The following RAB3C variants were observed in gnomAD, a reference collection of about 807,000 sequenced individuals.
The protein encoded by RAB3C is RAB3C, member RAS oncogene family.
In RAB3C, 17 loss-of-function variants were observed where a neutral mutation model predicts 26.4. That is an observed-to-expected ratio of 0.64 (90% CI 0.44 to 0.97). The LOEUF is 0.97. Ranked by LOEUF, RAB3C falls within the 50% of genes least tolerant of loss-of-function variation. The pLI is 0.00. For synonymous variants in RAB3C, 91 were observed against 95.9 expected (o/e 0.95, Z 0.30); for missense variants, 242 against 281.9 (o/e 0.86, Z 1.01).
chr5:58,679,807 T>C (rs1015996100), intron 2 of RAB3C, among the ~76,000 whole-genome samples: 1 of 152,242 alleles, frequency 6.6e-6, no homozygotes, highest in Non-Finnish European at 1.5e-5. Context: ...TGCAGGCTTT[T>C]CTTTGCACGG....
At chr5:58,715,680 G>A (rs187053976) in intron 2 of RAB3C, among the ~76,000 whole-genome samples, 11 of 152,134 alleles carry the variant, frequency 7.2e-5, no homozygotes, top group Middle Eastern at 3.4e-3. Context: ...CCTAGTAAGC[G>A]GACTATTATA....
chr5:58,730,082 A>T (rs571707332), intron 3 of RAB3C, among the ~76,000 whole-genome samples: 163 of 151,484 alleles, frequency 1.1e-3, no homozygotes, highest in African/African-American at 3.9e-3. Context: ...TCAACAATAG[A>T]TTTAAGATTG....
chr5:58,836,713 C>T (rs1356840862), intron 4 of RAB3C, among the ~76,000 whole-genome samples: 3 of 152,086 alleles, frequency 2.0e-5, no homozygotes, highest in African/African-American at 7.2e-5. Context: ...GAATGACAGG[C>T]TTTCATTTTT....
At chr5:58,597,683 G>A (rs928980418) in intron 1 of RAB3C, among the ~76,000 whole-genome samples, 3 of 126,988 alleles carry the variant, frequency 2.4e-5, no homozygotes, top group African/African-American at 8.2e-5. Context: ...ATATAATATA[G>A]TACATTATAT....
At chr5:58,599,655 T>C in intron 1 of RAB3C, among the ~76,000 whole-genome samples, 1 of 152,096 alleles carries the variant, frequency 6.6e-6, no homozygotes, top group East Asian at 1.9e-4. Flanking sequence ...GTAGGAACAG[T>C]TTTCACATGG....
chr5:58,619,849 T>C (rs946204329), intron 2 of RAB3C, among the ~76,000 whole-genome samples: 4 of 149,328 alleles, frequency 2.7e-5, no homozygotes, highest in Non-Finnish European at 5.9e-5. Flanking sequence ...ACCAGGCCAG[T>C]GCTAATTCAC....
chr5:58,624,647 T>C (rs1039733644), intron 2 of RAB3C, among the ~76,000 whole-genome samples: 3 of 152,120 alleles, frequency 2.0e-5, no homozygotes, highest in African/African-American at 7.2e-5. Flanking sequence ...TGTGATTCTA[T>C]AGGGACTGAC....
At chr5:58,692,382 A>G (rs1186331001) in intron 2 of RAB3C, among the ~76,000 whole-genome samples, 1 of 152,078 alleles carries the variant, frequency 6.6e-6, no homozygotes, top group Non-Finnish European at 1.5e-5. Context: ...GACTGACCTC[A>G]TATTTATAAT....
intron 3 of RAB3C, among the ~76,000 whole-genome samples, chr5:58,821,604 A>G (rs1743344452): frequency 6.6e-6 from 1 of 152,180 alleles, no homozygotes; most frequent in South Asian, 2.1e-4. Context: ...TTGCTAAGGG[A>G]ATATATTATT....
At chr5:58,719,511 C>G (rs1740696089) in intron 2 of RAB3C, among the ~76,000 whole-genome samples, 2 of 151,912 alleles carry the variant, frequency 1.3e-5, no homozygotes, top group Admixed American at 1.3e-4. Flanking sequence ...AAAGTGGGGT[C>G]AGTGACTGTG....
intron 3 of RAB3C, among the ~76,000 whole-genome samples, chr5:58,795,552 A>C (rs148426353): frequency 2.2e-4 from 33 of 152,334 alleles, no homozygotes; most frequent in African/African-American, 7.5e-4. Flanking sequence ...GTGGTTACTG[A>C]AACTGCATGT....
At chr5:58,682,544 C>T (rs1305101126) in intron 2 of RAB3C, among the ~76,000 whole-genome samples, 2 of 151,816 alleles carry the variant, frequency 1.3e-5, no homozygotes, top group Non-Finnish European at 2.9e-5. Context: ...ATTAGCCGGG[C>T]GTGGTGGCGG....
intron 3 of RAB3C, chr5:58,823,629 A>C (rs78369992): frequency 0.063 from 13,214 of 208,188 alleles, 577 homozygotes; most frequent in South Asian, 0.12. Context: ...GAAACATCCC[A>C]AAATGTCCCA....
intron 2 of RAB3C, among the ~76,000 whole-genome samples, chr5:58,618,753 C>T (rs1254605729): frequency 6.6e-6 from 1 of 152,154 alleles, no homozygotes; most frequent in South Asian, 2.1e-4. Flanking sequence ...AATGTTTCTA[C>T]AGTAAGTTTT....
intron 1 of RAB3C, among the ~76,000 whole-genome samples, chr5:58,592,979 T>G (rs1746171223): frequency 6.6e-6 from 1 of 152,156 alleles, no homozygotes; most frequent in Admixed American, 6.5e-5. Flanking sequence ...ATTTAGCCAT[T>G]ACATCTTTAA....
At chr5:58,627,443 G>A (rs1290019396) in intron 2 of RAB3C, among the ~76,000 whole-genome samples, 1 of 74,526 alleles carries the variant, frequency 1.3e-5, no homozygotes, top group Non-Finnish European at 2.5e-5. Flanking sequence ...CCGCAGTCCG[G>A]CCTGGGCGAC....
At chr5:58,593,770 T>C (rs1297691560) in intron 1 of RAB3C, among the ~76,000 whole-genome samples, 1 of 152,196 alleles carries the variant, frequency 6.6e-6, no homozygotes. Context: ...TGAAGTATTT[T>C]TGCATTCACT....
intron 2 of RAB3C, among the ~76,000 whole-genome samples, chr5:58,691,295 A>T (rs541490707): frequency 6.6e-6 from 1 of 152,170 alleles, no homozygotes; most frequent in Non-Finnish European, 1.5e-5. Context: ...GCATTTGTTC[A>T]TAAGTGGGCT....
intron 3 of RAB3C, among the ~76,000 whole-genome samples, chr5:58,767,806 A>T (rs889315083): frequency 1.3e-5 from 2 of 152,216 alleles, no homozygotes; most frequent in African/African-American, 4.8e-5. Context: ...AATAGAGAAC[A>T]CGAGAGACAT....
Sources: gnomAD v4.1 joint callset for allele counts (sites outside exome capture counted in the v4.1 genomes callset) on GRCh38, gnomAD v4.1.1 for gene constraint, MANE v1.5 for transcripts, NCBI Gene and HGNC (gene_info 2026-07-23, HGNC 2026-07-21) for gene names.